The following RIC1 variants were observed in gnomAD, a reference collection of about 807,000 sequenced individuals.
RIC1 encodes the protein RIC1 partner of RAB6A GEF complex.
In RIC1, 88 loss-of-function variants were observed where a neutral mutation model predicts 169.0. The observed-to-expected ratio is 0.52, with a 90% CI of 0.44 to 0.62. The LOEUF (loss-of-function observed/expected upper bound fraction) is 0.62, where lower values mean the gene tolerates loss of function less well. Among genes scored for constraint, RIC1 ranks in the 20% least tolerant of loss-of-function variants. The probability of loss-of-function intolerance (pLI) is 0.00; values close to 1 mark genes in which losing one functional copy is unlikely to be tolerated. For synonymous variants in RIC1, 790 were observed against 601.5 expected (o/e 1.31, Z -4.59); for missense variants, 1,877 against 1,725.5 (o/e 1.09, Z -1.56).
intron 2 of RIC1, among the ~76,000 whole-genome samples, chr9:5,680,602 T>C (rs539887254): frequency 1.6e-4 from 25 of 152,302 alleles, no homozygotes; most frequent in Admixed American, 6.5e-4. Flanking sequence ...CAGGAACTTA[T>C]CCATTTCTTC....
chr9:5,736,180 C>G (rs1461060905), intron 7 of RIC1, among the ~76,000 whole-genome samples: 1 of 152,138 alleles, frequency 6.6e-6, no homozygotes, highest in Non-Finnish European at 1.5e-5. Flanking sequence ...TTGTCAGATG[C>G]AAAGCAAAAA....
At chr9:5,637,016 G>C (rs959568862) in intron 1 of RIC1, among the ~76,000 whole-genome samples, 2 of 151,920 alleles carry the variant, frequency 1.3e-5, no homozygotes, top group Non-Finnish European at 1.5e-5. Context: ...TTAGTGTTTT[G>C]ATTTTTGTGA....
At chr9:5,745,525 A>T (rs1163868856) in intron 10 of RIC1, among the ~76,000 whole-genome samples, 2 of 152,128 alleles carry the variant, frequency 1.3e-5, no homozygotes, top group Non-Finnish European at 1.5e-5. Context: ...TCCATACAAA[A>T]CTGCATCTGT....
At chr9:5,768,764 A>G (rs541633157) in intron 21 of RIC1, among the ~76,000 whole-genome samples, 1 of 152,202 alleles carries the variant, frequency 6.6e-6, no homozygotes, top group South Asian at 2.1e-4. Flanking sequence ...TATTCATTCT[A>G]CAAATGTGTC....
In RIC1 at chr9:5,774,114, C is replaced by T. The variant is rs1333940898; in HGVS notation, c.4140C>T (p.Ser1380=). 4 of 1,614,020 alleles carry T rather than the reference C, an allele frequency of 2.5e-6. No homozygotes were observed. The highest frequency in any genetic ancestry group is 1.1e-5 in the South Asian group (1 of 91,068). Reference sequence around the variant, plus strand: ...CCCGGGCAGAGGAGAGCAGGGGCTCCTCCAGCCATGGAAGCATCCCCCAGG... The same window carrying T: ...CCCGGGCAGAGGAGAGCAGGGGCTCTTCCAGCCATGGAAGCATCCCCCAGG... ...TSPRAEESRG[S]SSHGSIPQGE... Residue 1380 remains serine, a synonymous_variant, in exon 26 of 26, where the codon TCC becomes TCT. Coordinates refer to ENST00000414202, the MANE Select transcript of RIC1 (RefSeq NM_020829.4).
In RIC1 at chr9:5,656,542, T is replaced by C. The variant is rs1301428117; in HGVS notation, c.145-41T>C. 5.3e-6 allele frequency: 5 copies of C among 939,856 alleles called. No individual in the cohort carries two copies. The Admixed American group carries it at 7.4e-5, about 14-fold the overall frequency. The allele number at this position is 939,856 out of a possible 1,614,324, so 58.2% of individuals were successfully genotyped here. ...TTTATTTGTGTATTTTTATGAGATA[T>C]TGATAAAAAATACAACTTTTTTTTT... On this transcript the variant is annotated intron_variant, in intron 1 of 25. Coordinates refer to ENST00000414202, the MANE Select transcript of RIC1 (RefSeq NM_020829.4).
At chr9:5,726,909 C>A (rs1824030033) in intron 6 of RIC1, among the ~76,000 whole-genome samples, 1 of 152,202 alleles carries the variant, frequency 6.6e-6, no homozygotes, top group African/African-American at 2.4e-5. Context: ...TGTAGAGTTT[C>A]TGCTTAGAGA....
chr9:5,667,590 G>A (rs1466881706), intron 2 of RIC1, among the ~76,000 whole-genome samples: 1 of 146,680 alleles, frequency 6.8e-6, no homozygotes, highest in Admixed American at 6.9e-5. Flanking sequence ...CTGCAGTCTT[G>A]ATTTCCTGGG....
intron 3 of RIC1, among the ~76,000 whole-genome samples, chr9:5,695,573 T>G (rs1419251845): frequency 1.4e-5 from 1 of 69,278 alleles, no homozygotes; most frequent in Non-Finnish European, 3.4e-5. Flanking sequence ...TATTATATCT[T>G]TTTTTTTTTT....
Position 5,757,414 on chromosome 9 carries a change from G to C in RIC1, c.1955G>C (p.Ser652Thr). The change falls in exon 17 of 26, where the codon AGT becomes ACT. Residue 652 changes from serine (S) to threonine (T), a missense_variant. By Grantham distance (58) the Ser-to-Thr change is moderately conservative (BLOSUM62 1). Transcript: ENST00000414202. The stretch of plus-strand genomic sequence containing the variant: ...GTATCTGTCACTCTGACATCAGTGA[G>C]TACAGAGAATGGAATCACCTTGAAA... Reference protein sequence around the residue: ...LVVSVTLTSVSTENGITLKMP... With the variant: ...LVVSVTLTSVTTENGITLKMP... 1 of 1,613,794 alleles carries C rather than the reference G, an allele frequency of 6.2e-7. No individual in the cohort carries two copies. The highest frequency in any genetic ancestry group is 8.5e-7 in the Non-Finnish European group (1 of 1,179,754).
chr9:5,769,501 T>G, intron 22 of RIC1: 1 of 1,382,818 alleles, frequency 7.2e-7, no homozygotes, highest in South Asian at 1.5e-5. Flanking sequence ...CATACTTGGA[T>G]TATAAAGAAG....
At chr9:5,718,460 A>G (rs1271014605) in intron 4 of RIC1, among the ~76,000 whole-genome samples, 7 of 152,186 alleles carry the variant, frequency 4.6e-5, no homozygotes, top group Admixed American at 3.3e-4. Context: ...CATTTACAGC[A>G]TTTATAAAAC....
At position 5,718,975 on chromosome 9, in the gene RIC1, A is replaced by AT. The variant is rs1158631220; in HGVS notation, c.441-1200dup. 4.6e-5 allele frequency: 7 copies of AT among 152,168 alleles called. No homozygotes were observed. The East Asian group carries it at 1.2e-3, about 25-fold the overall frequency. 9.4% of individuals were successfully genotyped at this position (152,168 alleles called of 1,614,324 possible). On this transcript the variant is annotated intron_variant, in intron 4 of 25. Coordinates refer to ENST00000414202, the MANE Select transcript of RIC1 (RefSeq NM_020829.4). ...TTTAAGAATTAAAATACTAAAAGAC[A>AT]TTTTTTTCATCATTATGGATTAAAA...
chr9:5,635,200 A>G (rs1817912941), intron 1 of RIC1, among the ~76,000 whole-genome samples: 1 of 152,142 alleles, frequency 6.6e-6, no homozygotes, highest in South Asian at 2.1e-4. Flanking sequence ...GGCCGGTCTC[A>G]GACTCCTGGA....
chr9:5,629,343 C>T lies in RIC1; in HGVS notation c.34C>T (p.Leu12=). The T allele has an allele frequency of 1.3e-6, 2 of 1,532,670 alleles. No homozygotes were observed. The highest frequency in any genetic ancestry group is 2.5e-5 in the East Asian group (1 of 40,528). The allele number at this position is 1,532,670 out of a possible 1,614,324, so 94.9% of individuals were successfully genotyped here. A position where few individuals can be genotyped will look rare whatever the true frequency, so the allele number is the denominator to read the frequency against. The change falls in exon 1 of 26, where the codon CTG becomes TTG. Residue 12 remains leucine, a synonymous_variant. Transcript: ENST00000414202. ...YFLSGWPKRL[L]CPLGSPAEAP... ...TCTGAGCGGCTGGCCCAAGAGGCTG[C>T]TGTGCCCTCTGGGGAGCCCGGCCGA...
intron 3 of RIC1, among the ~76,000 whole-genome samples, chr9:5,703,900 G>GT (rs1822397038): frequency 6.6e-6 from 1 of 152,062 alleles, no homozygotes; most frequent in African/African-American, 2.4e-5. Context: ...TTATTTTTGG[G>GT]TATATACCTG....
intron 3 of RIC1, 92 bp downstream of exon 3, chr9:5,690,130 G>T: frequency 1.3e-6 from 1 of 759,076 alleles, no homozygotes; most frequent in Non-Finnish European, 2.0e-6. Flanking sequence ...GTAGTGATTA[G>T]AATAAAACTA....
At chr9:5,693,848 T>C (rs1821734682) in intron 3 of RIC1, among the ~76,000 whole-genome samples, 1 of 152,088 alleles carries the variant, frequency 6.6e-6, no homozygotes, top group Admixed American at 6.6e-5. Flanking sequence ...TTCCTGTCTT[T>C]TCACTGCTAC....
At chr9:5,642,679 C>T (rs1250074440) in intron 1 of RIC1, among the ~76,000 whole-genome samples, 1 of 144,974 alleles carries the variant, frequency 6.9e-6, no homozygotes, top group Admixed American at 6.7e-5. Context: ...ACCACTACCA[C>T]AGGGCCATAG....
Sources: allele counts gnomAD v4.1 joint callset (sites outside exome capture counted in the v4.1 genomes callset), GRCh38; gene constraint gnomAD v4.1.1; transcripts MANE v1.5; gene names NCBI Gene and HGNC (gene_info 2026-07-23, HGNC 2026-07-21).